Variants in PPM1E observed in about 807,000 individuals in gnomAD.
The protein encoded by PPM1E is protein phosphatase, Mg2+/Mn2+ dependent 1E.
Under a neutral mutation model 65.9 loss-of-function variants are expected in PPM1E, and 20 were observed. The observed-to-expected ratio is 0.30, with a 90% CI of 0.21 to 0.44. PPM1E has a LOEUF of 0.44. Among genes scored for constraint, PPM1E ranks in the 20% least tolerant of loss-of-function variants. The probability of loss-of-function intolerance (pLI) is 1.00; values close to 1 mark genes in which losing one functional copy is unlikely to be tolerated. For synonymous variants in PPM1E, 352 were observed against 374.9 expected (o/e 0.94, Z 0.70); for missense variants, 713 against 953.1 (o/e 0.75, Z 3.32).
intron 1 of PPM1E, among the ~76,000 whole-genome samples, chr17:58,954,951 C>T (rs1320764237): frequency 2.0e-5 from 3 of 151,850 alleles, no homozygotes; most frequent in African/African-American, 7.3e-5. Flanking sequence ...TCCTAACTTC[C>T]CACTACGACA....
intron 1 of PPM1E, among the ~76,000 whole-genome samples, chr17:58,819,604 T>A (rs948374984): frequency 6.6e-6 from 1 of 152,172 alleles, no homozygotes; most frequent in African/African-American, 2.4e-5. Context: ...TTCTGTAGGC[T>A]GTACAGGTAG....
At chr17:58,781,441 C>G (rs765575438) in intron 1 of PPM1E, among the ~76,000 whole-genome samples, 3 of 151,804 alleles carry the variant, frequency 2.0e-5, no homozygotes, top group Non-Finnish European at 4.4e-5. Context: ...GTGCCTGGCC[C>G]AAAAGTGCAG....
Position 58,980,608 on chromosome 17 carries a change from A to G in PPM1E, c.1845A>G (p.Ser615=), listed in dbSNP as rs564602902. Residue 615 remains serine, a synonymous_variant, in exon 7 of 7, where the codon TCA becomes TCG. Coordinates refer to ENST00000308249, the MANE Select transcript of PPM1E (RefSeq NM_014906.5). This position sits in a 1 kb window ranked among gnomAD's most constrained non-coding sequence, Gnocchi z 4.7. Reference sequence around the variant, plus strand: ...TGATGGAGAAAAAATCAGTTCAGTCATCATTGCCTGAATGGAGTGGTGCTG... The same window carrying G: ...TGATGGAGAAAAAATCAGTTCAGTCGTCATTGCCTGAATGGAGTGGTGCTG... ...ELMMEKKSVQ[S]SLPEWSGAGE... 1.9e-6 allele frequency: 3 copies of G among 1,614,208 alleles called. No individual in the cohort carries two copies. The highest frequency in any genetic ancestry group is 3.3e-5 in the Admixed American group (2 of 60,026).
chr17:58,811,354 A>G (rs1180146811), intron 1 of PPM1E, among the ~76,000 whole-genome samples: 1 of 152,208 alleles, frequency 6.6e-6, no homozygotes. Context: ...GGGTGAACTA[A>G]TATATCTGTA....
chr17:58,805,974 C>CAAAAAAAAAAA (rs1341289870), intron 1 of PPM1E, among the ~76,000 whole-genome samples: 1 of 74,020 alleles, frequency 1.4e-5, no homozygotes, highest in Admixed American at 1.5e-4. Context: ...AAAAAAAAAA[C>CAAAAAAAAAAA]AAAAAAAAAA....
At chr17:58,850,609 C>G (rs900736012) in intron 1 of PPM1E, among the ~76,000 whole-genome samples, 2 of 152,202 alleles carry the variant, frequency 1.3e-5, no homozygotes, top group Non-Finnish European at 2.9e-5. Flanking sequence ...TTGGCCCCCA[C>G]TCTCTTCTGG....
rs913959105 is a variant in PPM1E at position 58,966,008 on chromosome 17, A to G, written c.783+115A>G. The G allele has an allele frequency of 3.6e-6, 4 of 1,099,762 alleles. No individual in the cohort carries two copies. The African/African-American group carries it at 4.7e-5, about 13-fold the overall frequency. 68.1% of individuals were successfully genotyped at this position (1,099,762 alleles called of 1,614,324 possible). On this transcript the variant is annotated intron_variant, in intron 3 of 6. Transcript: ENST00000308249. Reference sequence around the variant, plus strand: ...TTTCTAATTGTATCTCTGGTAGATTAGAGTAGGGCTAAGTGCAAAGTGGCA... The same window carrying G: ...TTTCTAATTGTATCTCTGGTAGATTGGAGTAGGGCTAAGTGCAAAGTGGCA...
rs894204729 is a variant in PPM1E, at chr17:58,982,737, T to C, written c.*1706T>C. The C allele has an allele frequency of 1.8e-6, 1 of 544,906 alleles. No individual in the cohort carries two copies. The highest frequency in any genetic ancestry group is 1.9e-5 in the African/African-American group (1 of 52,360). 33.8% of individuals were successfully genotyped at this position (544,906 alleles called of 1,614,324 possible). On this transcript the variant is annotated 3_prime_UTR_variant, in exon 7 of 7. Coordinates refer to ENST00000308249, the MANE Select transcript of PPM1E (RefSeq NM_014906.5). ...TTGTTTTCTCTTGATTTTGAAGTCA[T>C]TTCTTCTTCTCACGTCTGTGACAAA...
chr17:58,919,246 T>C (rs2051721612), intron 1 of PPM1E, among the ~76,000 whole-genome samples: 1 of 152,070 alleles, frequency 6.6e-6, no homozygotes, highest in South Asian at 2.1e-4. Context: ...TTTAGAAACA[T>C]GTACTAAACC....
Position 58,768,582 on chromosome 17 carries a change from G to A in PPM1E, c.464+12121G>A, listed in dbSNP as rs117681313. 1.4e-3 allele frequency among the ~76,000 whole-genome samples: 207 copies of A among 152,240 alleles called. 2 individuals carry two copies. The highest frequency in any genetic ancestry group is 4.4e-3 in the South Asian group (21 of 4,826). ...TTACCTATAGATAAGAGCCGTCTAA[G>A]GGTTTTGCACCAAATATTTCTCTAA... On this transcript the variant is annotated intron_variant, in intron 1 of 6. Coordinates refer to ENST00000308249, the MANE Select transcript of PPM1E (RefSeq NM_014906.5).
chr17:58,870,190 GA>G, intron 1 of PPM1E, among the ~76,000 whole-genome samples: 1 of 152,168 alleles, frequency 6.6e-6, no homozygotes, highest in Non-Finnish European at 1.5e-5. Flanking sequence ...AGAGAAGAAG[GA>G]GCTGAAGGAG....
At chr17:58,921,334 G>C (rs1447761729) in intron 1 of PPM1E, among the ~76,000 whole-genome samples, 1 of 152,140 alleles carries the variant, frequency 6.6e-6, no homozygotes, top group Non-Finnish European at 1.5e-5. Flanking sequence ...CTAGTAGAGA[G>C]GGGTAATTGA....
intron 1 of PPM1E, among the ~76,000 whole-genome samples, chr17:58,947,537 T>C (rs1253532396): frequency 7.5e-6 from 1 of 132,594 alleles, no homozygotes; most frequent in African/African-American, 2.8e-5. Context: ...GCACCTGGCC[T>C]TTTTTTTTTT....
At chr17:58,938,649 C>T (rs748353237) in intron 1 of PPM1E, among the ~76,000 whole-genome samples, 11 of 152,044 alleles carry the variant, frequency 7.2e-5, no homozygotes, top group Non-Finnish European at 1.3e-4. Flanking sequence ...GTCCTGCAAG[C>T]ACTATAGGTG....
At chr17:58,762,773 C>T (rs1214093797) in intron 1 of PPM1E, among the ~76,000 whole-genome samples, 1 of 151,412 alleles carries the variant, frequency 6.6e-6, no homozygotes, top group Non-Finnish European at 1.5e-5. Context: ...TGGCGGGCGC[C>T]TGTAGTCCCA....
At position 58,771,450 on chromosome 17, in the gene PPM1E, C is replaced by T. The variant is rs567802026; in HGVS notation, c.464+14989C>T. On this transcript the variant is annotated intron_variant, in intron 1 of 6. Transcript: ENST00000308249. The stretch of plus-strand genomic sequence containing the variant: ...ACCAGCCTGGCCAACATGGTGAAAC[C>T]CCGTCTCTACTAAAAATACAAAAAT... 1.2e-4 allele frequency among the ~76,000 whole-genome samples: 18 copies of T among 151,418 alleles called. No individual in the cohort carries two copies. The East Asian group carries it at 3.5e-3, about 30-fold the overall frequency.
rs2031321566 is a variant in PPM1E at position 58,980,939 on chromosome 17, A to AGTT, written c.2178_2180dup (p.Ser726_Trp727insCys). 2 of 1,614,108 alleles carry AGTT rather than the reference A, an allele frequency of 1.2e-6. No homozygotes were observed. The highest frequency in any genetic ancestry group is 1.3e-5 in the African/African-American group (1 of 74,944). ...AAGTTCTCTGCCATGGAGGCAAAAT[A>AGTT]GTTGGAAAGGGTACAGTGAAAACAT... On this transcript the variant is annotated inframe_insertion, in exon 7 of 7. Transcript: ENST00000308249. This position sits in a 1 kb window ranked among gnomAD's most constrained non-coding sequence, Gnocchi z 4.7.
intron 1 of PPM1E, among the ~76,000 whole-genome samples, chr17:58,931,877 G>C (rs549220137): frequency 1.2e-4 from 19 of 152,180 alleles, no homozygotes; most frequent in Non-Finnish European, 2.5e-4. Flanking sequence ...TGTCACAAAA[G>C]ACCTTATGTG....
intron 1 of PPM1E, among the ~76,000 whole-genome samples, chr17:58,817,823 C>T (rs1289398388): frequency 2.0e-5 from 3 of 152,004 alleles, no homozygotes; most frequent in African/African-American, 4.8e-5. Flanking sequence ...ACGATCTCCG[C>T]TCACTGCAAG....
Sources: gnomAD v4.1 joint callset for allele counts (sites outside exome capture counted in the v4.1 genomes callset) on GRCh38, gnomAD v4.1.1 for gene constraint, Gnocchi (gnomAD v3.1) non-coding constraint, MANE v1.5 for transcripts, NCBI Gene and HGNC (gene_info 2026-07-23, HGNC 2026-07-21) for gene names.